BICDL1: variants seen among roughly 807,000 people sequenced by gnomAD.
BICDL1 encodes the protein BICD family-like cargo adapter 1.
In BICDL1, 20 loss-of-function variants were observed where a neutral mutation model predicts 76.8. That is an observed-to-expected ratio of 0.26 (90% CI 0.18 to 0.38). The LOEUF is 0.38. BICDL1 is among the 10% of genes least tolerant of loss of function. The pLI is 1.00. For synonymous variants in BICDL1, 383 were observed against 337.1 expected (o/e 1.14, Z -1.49); for missense variants, 700 against 798.6 (o/e 0.88, Z 1.49).
chr12:120,009,433 G>C (rs972411982), intron 2 of BICDL1, among the ~76,000 whole-genome samples: 1 of 152,156 alleles, frequency 6.6e-6, no homozygotes, highest in Non-Finnish European at 1.5e-5. Flanking sequence ...AAATTTTGGA[G>C]GTTTGAAGGC....
rs182928226 is a variant in BICDL1 at position 120,056,564 on chromosome 12, C to G, written c.646-5146C>G. 1.3e-3 allele frequency among the ~76,000 whole-genome samples: 203 copies of G among 152,220 alleles called. 1 individual carries two copies. Among genetic ancestry groups the G allele is most frequent in the African/African-American group, 4.7e-3 (197 of 41,550 alleles). On this transcript the variant is annotated intron_variant, in intron 2 of 9. Coordinates refer to ENST00000548673, the MANE Select transcript of BICDL1 (RefSeq NM_001367886.1). ...TGAAACCCTGTCTCTACTAAAAATA[C>G]AAAAATTAGCTGGGCGTGGTAGTGC...
chr12:120,065,742 C>G (rs981667921), intron 4 of BICDL1, among the ~76,000 whole-genome samples: 7 of 152,210 alleles, frequency 4.6e-5, no homozygotes, highest in African/African-American at 1.7e-4. Context: ...AGGTGGATCT[C>G]TGCCCGAAGG....
chr12:120,016,725 G>A (rs1220917621), intron 2 of BICDL1, among the ~76,000 whole-genome samples: 1 of 151,760 alleles, frequency 6.6e-6, no homozygotes, highest in Non-Finnish European at 1.5e-5. Flanking sequence ...TGTCCTGTCT[G>A]TAACTTTTTA....
chr12:119,999,685 T>C (rs1384725072), intron 2 of BICDL1: 5 of 330,086 alleles, frequency 1.5e-5, no homozygotes, highest in Non-Finnish European at 2.9e-5. Context: ...GAAATCTAAT[T>C]TAAATACAGA....
chr12:120,047,178 T>C (rs932611606), intron 2 of BICDL1, among the ~76,000 whole-genome samples: 1 of 152,188 alleles, frequency 6.6e-6, no homozygotes, highest in African/African-American at 2.4e-5. Context: ...GTGGCTTTTA[T>C]ACATGCCTTC....
At chr12:119,996,633 C>G (rs2042629732) in intron 1 of BICDL1, among the ~76,000 whole-genome samples, 2 of 152,094 alleles carry the variant, frequency 1.3e-5, no homozygotes, top group African/African-American at 4.8e-5. Flanking sequence ...TGTCAACCTT[C>G]AGTGTGTCAG....
chr12:120,033,361 T>A (rs1952462721), intron 2 of BICDL1, among the ~76,000 whole-genome samples: 1 of 142,378 alleles, frequency 7.0e-6, no homozygotes, highest in South Asian at 2.3e-4. Context: ...TGTGGAGAGT[T>A]CTTGCCTTTT....
At position 120,093,481 on chromosome 12, in the gene BICDL1, C is replaced by T. The variant is rs901946047; in HGVS notation, c.*320C>T. On this transcript the variant is annotated 3_prime_UTR_variant, in exon 10 of 10. Transcript: ENST00000548673. ...TGGTGTTGGGCTTTGCAGCTCACAC[C>T]CAACAGATCGCAGCCCACCCCCAGG... The T allele has an allele frequency of 2.9e-6, 1 of 340,920 alleles. No homozygotes were observed. The highest frequency in any genetic ancestry group is 6.7e-5 in the East Asian group (1 of 14,928). 21.1% of individuals were successfully genotyped at this position (340,920 alleles called of 1,614,324 possible).
Position 120,034,950 on chromosome 12 carries a change from G to A in BICDL1, c.646-26760G>A, listed in dbSNP as rs531746136. 2.8e-4 allele frequency among the ~76,000 whole-genome samples: 42 copies of A among 152,280 alleles called. 1 individual carries two copies. The South Asian group carries it at 8.7e-3, about 32-fold the overall frequency. The stretch of plus-strand genomic sequence containing the variant: ...TCTGTCTTAGCTCCACTTGCTGTGT[G>A]TTTTTCCCCCATAGCTCTTAGTATA... On this transcript the variant is annotated intron_variant, in intron 2 of 9. Transcript: ENST00000548673.
At chr12:120,057,067 GTCC>G (rs1952990361) in intron 2 of BICDL1, 5 of 521,296 alleles carry the variant, frequency 9.6e-6, no homozygotes, top group Admixed American at 3.9e-5. Flanking sequence ...GCTTCAGGCT[GTCC>G]TCCTCCACCT....
chr12:120,037,032 ATG>A (rs1952542786), intron 2 of BICDL1, among the ~76,000 whole-genome samples: 1 of 152,210 alleles, frequency 6.6e-6, no homozygotes, highest in Middle Eastern at 3.4e-3. Context: ...GTTTTAATAT[ATG>A]TGTTTCTGTG....
At chr12:119,997,507 C>A (rs975474151) in intron 1 of BICDL1, among the ~76,000 whole-genome samples, 1 of 152,102 alleles carries the variant, frequency 6.6e-6, no homozygotes, top group African/African-American at 2.4e-5. Flanking sequence ...CTTAATGGGC[C>A]ATGATTTAAA....
intron 2 of BICDL1, among the ~76,000 whole-genome samples, chr12:120,024,094 A>G (rs1952240031): frequency 6.6e-6 from 1 of 152,186 alleles, no homozygotes; most frequent in African/African-American, 2.4e-5. Context: ...AGCCTGGACA[A>G]CATGGTGAAA....
rs1875184323 is a variant in BICDL1 at position 120,093,732 on chromosome 12, C to CAGGGTCTA, written c.*574_*581dup. 5.8e-6 allele frequency: 1 copy of CAGGGTCTA among 171,310 alleles called. No individual in the cohort carries two copies. The highest frequency in any genetic ancestry group is 1.3e-5 in the Non-Finnish European group (1 of 78,636). 10.6% of individuals were successfully genotyped at this position (171,310 alleles called of 1,614,324 possible). A position where few individuals can be genotyped will look rare whatever the true frequency, so the allele number is the denominator to read the frequency against. On this transcript the variant is annotated 3_prime_UTR_variant, in exon 10 of 10. Transcript: ENST00000548673. Reference sequence around the variant, plus strand: ...TGGCAGGAGGCCAAGCCTCTGGCCGCAGGGTCTAAGAGCCGGGGCTTACCC... The same window carrying CAGGGTCTA: ...TGGCAGGAGGCCAAGCCTCTGGCCGCAGGGTCTAAGGGTCTAAGAGCCGGGGCTTACCC...
intron 8 of BICDL1, among the ~76,000 whole-genome samples, chr12:120,089,061 C>G (rs1874706415): frequency 6.6e-6 from 1 of 152,234 alleles, no homozygotes; most frequent in South Asian, 2.1e-4. Context: ...CACTGTGTGG[C>G]TATCTTCGCA....
rs1299940876 is a variant in BICDL1, at chr12:120,072,728, C to T, written c.1307C>T (p.Thr436Met). 26 of 1,610,714 alleles carry T rather than the reference C, an allele frequency of 1.6e-5. No homozygotes were observed. Among genetic ancestry groups the T allele is most frequent in the East Asian group, 6.7e-5 (3 of 44,886 alleles). ...IQSIVDGMEP[T>M]GSRRLDDDSL... ...AGCATTGTGGATGGCATGGAGCCCA[C>T]GGTAAGAGGCCAGTCTGAGATGGTC... Residue 436 changes from threonine (T) to methionine (M), a missense_variant and splice_region_variant, in exon 6 of 10, where the codon ACG becomes ATG. Coordinates refer to ENST00000548673, the MANE Select transcript of BICDL1 (RefSeq NM_001367886.1).
At chr12:120,090,827 T>C in intron 9 of BICDL1, 1 of 1,228,252 alleles carries the variant, frequency 8.1e-7, no homozygotes, top group South Asian at 1.3e-5. Context: ...AGGGTGCCCG[T>C]CCCTGGCTCC....
chr12:120,067,898 G>A (rs1353857256), intron 4 of BICDL1, among the ~76,000 whole-genome samples: 1 of 152,208 alleles, frequency 6.6e-6, no homozygotes, highest in Non-Finnish European at 1.5e-5. Context: ...AACTGGGGTT[G>A]GAGAAGTTCC....
At position 120,073,509 on chromosome 12, in the gene BICDL1, G is replaced by A. The variant is rs115478589; in HGVS notation, c.1308+780G>A. Among the ~76,000 whole-genome samples the A allele has an allele frequency of 2.1e-3, 318 of 152,264 alleles. 3 individuals carry two copies. The highest frequency in any genetic ancestry group is 7.4e-3 in the African/African-American group (308 of 41,530). ...GAAGTTGGGAAGATCAGCTCTAAGG[G>A]CCTTTTAGAATCCTAGATGTGGCCA... On this transcript the variant is annotated intron_variant, in intron 6 of 9. Coordinates refer to ENST00000548673, the MANE Select transcript of BICDL1 (RefSeq NM_001367886.1).
Sources: gnomAD v4.1 joint callset for allele counts (sites outside exome capture counted in the v4.1 genomes callset) on GRCh38, gnomAD v4.1.1 for gene constraint, MANE v1.5 for transcripts, NCBI Gene and HGNC (gene_info 2026-07-23, HGNC 2026-07-21) for gene names.